GSDMC: variants seen among roughly 807,000 people sequenced by gnomAD.
The protein encoded by GSDMC is gasdermin-C.
GSDMC carries 59 observed loss-of-function variants against 58.0 expected under a neutral mutation model. The ratio of observed to expected loss-of-function variants is 1.02; its 90% CI spans 0.82 to 1.26. GSDMC has a LOEUF of 1.26. Among genes scored for constraint, GSDMC ranks in the 50% most tolerant of loss-of-function variants. The pLI is 0.00. For missense variants in GSDMC, 659 were observed against 598.5 expected (o/e 1.10, Z -1.06); for synonymous variants, 241 against 220.2 (o/e 1.09, Z -0.83).
At chr8:129,729,005 C>T in the GSDMC span, 7 of 658,718 alleles carry the variant, frequency 1.1e-5, no homozygotes, top group Admixed American at 8.3e-5. Context: ...GCTTGCTGCA[C>T]GATGAGGATG....
Position 129,758,439 on chromosome 8 carries a change from AGAT to A in GSDMC, c.721+2103_721+2105del, listed in dbSNP as rs1444112646. 2.0e-5 allele frequency among the ~76,000 whole-genome samples: 3 copies of A among 152,354 alleles called. No homozygotes were observed. In the East Asian group the frequency reaches 5.8e-4, roughly 29 times the overall value. On this transcript the variant is annotated intron_variant, in intron 6 of 13. Coordinates refer to ENST00000276708, the MANE Select transcript of GSDMC (RefSeq NM_031415.3). ...AAGAAGTCAAATCATCCTTTTTCGC[AGAT>A]GATATGATCTTATATTTGGAAAAAC...
the GSDMC span, among the ~76,000 whole-genome samples, chr8:129,715,675 T>G: frequency 6.6e-6 from 1 of 151,988 alleles, no homozygotes; most frequent in African/African-American, 2.4e-5. Context: ...TTACAAGAAA[T>G]ACAAAAAGAC....
the GSDMC span, among the ~76,000 whole-genome samples, chr8:129,721,448 T>A: frequency 2.7e-4 from 41 of 152,306 alleles, no homozygotes; most frequent in African/African-American, 9.4e-4. Context: ...ATCTACCACA[T>A]CTTCTTGTAA....
intron 6 of GSDMC, among the ~76,000 whole-genome samples, chr8:129,757,260 C>G (rs772495280): frequency 3.3e-5 from 5 of 151,740 alleles, no homozygotes; most frequent in Non-Finnish European, 5.9e-5. Context: ...TCATTAGTGG[C>G]TACTATGAAC....
the GSDMC span, among the ~76,000 whole-genome samples, chr8:129,740,374 A>T: frequency 0.016 from 2,436 of 152,288 alleles, 59 homozygotes; most frequent in African/African-American, 0.054. Flanking sequence ...AGCAACTTTC[A>T]GTTCATAGTA....
chr8:129,773,753 T>C (rs1337813034), intron 3 of GSDMC, among the ~76,000 whole-genome samples: 1 of 136,636 alleles, frequency 7.3e-6, no homozygotes, highest in African/African-American at 2.8e-5. Flanking sequence ...GCCATTGTAC[T>C]CCAGCCTGGG....
chr8:129,736,826 A>G, the GSDMC span, among the ~76,000 whole-genome samples: 10 of 152,222 alleles, frequency 6.6e-5, no homozygotes, highest in South Asian at 1.7e-3. Flanking sequence ...AGGGTATTCA[A>G]TTAAGAAAAG....
chr8:129,718,038 A>T, the GSDMC span, among the ~76,000 whole-genome samples: 14 of 152,212 alleles, frequency 9.2e-5, no homozygotes, highest in Non-Finnish European at 8.8e-5. Flanking sequence ...TAGATTCAAA[A>T]CTTAAATGTA....
chr8:129,709,973 AG>A, the GSDMC span, among the ~76,000 whole-genome samples: 1 of 152,208 alleles, frequency 6.6e-6, no homozygotes, highest in African/African-American at 2.4e-5. Flanking sequence ...CTGTGATGGT[AG>A]AAACTATGTC....
At chr8:129,732,258 T>C in the GSDMC span, among the ~76,000 whole-genome samples, 5 of 150,760 alleles carry the variant, frequency 3.3e-5, no homozygotes, top group African/African-American at 1.2e-4. Context: ...CCTCCAGAAC[T>C]GTGAGAAATA....
the GSDMC span, among the ~76,000 whole-genome samples, chr8:129,714,954 A>C: frequency 6.6e-6 from 1 of 152,252 alleles, no homozygotes; most frequent in Non-Finnish European, 1.5e-5. Context: ...TCTCCAATGT[A>C]ATAGACATAA....
rs1207906088 is a variant in GSDMC, at chr8:129,786,093, G to C, written c.-87C>G. 6.6e-6 allele frequency: 1 copy of C among 152,358 alleles called. No individual in the cohort carries two copies. Among genetic ancestry groups the C allele is most frequent in the Non-Finnish European group, 1.5e-5 (1 of 68,226 alleles). 9.4% of individuals were successfully genotyped at this position (152,358 alleles called of 1,614,324 possible). On this transcript the variant is annotated 5_prime_UTR_variant, in exon 1 of 14. Transcript: ENST00000276708. ...CTCACGTCTGTAATCCCAGCACTTT[G>C]GGAGGCTGAGGCCGGTGGATCACGA... is the stretch of plus-strand genomic sequence containing the variant.
At chr8:129,751,828 T>TCCCCCCCCCCCC in intron 9 of GSDMC, 34 bp downstream of exon 9, 1 of 1,576,994 alleles carries the variant, frequency 6.3e-7, no homozygotes, top group Non-Finnish European at 8.7e-7. Flanking sequence ...CAGGATGGGA[T>TCCCCCCCCCCCC]CCCCACCCCC....
At chr8:129,760,221 G>A (rs1037347528) in intron 6 of GSDMC, among the ~76,000 whole-genome samples, 20 of 152,122 alleles carry the variant, frequency 1.3e-4, no homozygotes, top group Non-Finnish European at 2.9e-5. Flanking sequence ...GGGTGGTGGG[G>A]GGTCTGGAGG....
chr8:129,747,058 C>T (rs2032976904), downstream of GSDMC, among the ~76,000 whole-genome samples: 7 of 151,000 alleles, frequency 4.6e-5, no homozygotes. Context: ...AAGACCATCC[C>T]GGCCAACATG....
At chr8:129,749,403 G>A (rs781222398) in intron 13 of GSDMC, 49 bp downstream of exon 13, 3 of 1,259,846 alleles carry the variant, frequency 2.4e-6, no homozygotes, top group Admixed American at 1.7e-5. Flanking sequence ...TCTTACCTCT[G>A]GTTCCCTCAC....
At chr8:129,785,709 G>T (rs551651053) in intron 1 of GSDMC, among the ~76,000 whole-genome samples, 31 of 152,038 alleles carry the variant, frequency 2.0e-4, no homozygotes, top group African/African-American at 5.8e-4. Flanking sequence ...TAAAATTCCT[G>T]ATGTGACCAT....
At chr8:129,723,280 G>A in the GSDMC span, among the ~76,000 whole-genome samples, 26 of 151,934 alleles carry the variant, frequency 1.7e-4, 1 homozygote, top group Admixed American at 2.6e-4. Flanking sequence ...TCTCTCTGTC[G>A]CCCAAGCTGG....
At chr8:129,731,786 C>T in the GSDMC span, among the ~76,000 whole-genome samples, 1 of 152,140 alleles carries the variant, frequency 6.6e-6, no homozygotes, top group Non-Finnish European at 1.5e-5. Flanking sequence ...GACCTTATAA[C>T]TGGAAAGTCA....
Sources: allele counts gnomAD v4.1 joint callset (sites outside exome capture counted in the v4.1 genomes callset), GRCh38; gene constraint gnomAD v4.1.1; transcripts MANE v1.5; gene names NCBI Gene and HGNC (gene_info 2026-07-23, HGNC 2026-07-21).